Variants in DEK observed in about 807,000 individuals in gnomAD.
The protein encoded by DEK is protein DEK.
DEK carries 28 observed loss-of-function variants against 46.8 expected under a neutral mutation model. The observed-to-expected ratio is 0.60, with a 90% CI of 0.44 to 0.82. The LOEUF is 0.82. Among genes scored for constraint, DEK ranks in the 40% least tolerant of loss-of-function variants. The pLI is 0.00. For missense variants in DEK, 416 were observed against 430.6 expected (o/e 0.97, Z 0.30); for synonymous variants, 160 against 144.5 (o/e 1.11, Z -0.77).
At chr6:18,238,948 C>A (rs1034148147) in intron 7 of DEK, among the ~76,000 whole-genome samples, 1 of 151,762 alleles carries the variant, frequency 6.6e-6, no homozygotes, top group African/African-American at 2.4e-5. Flanking sequence ...GATGGAGTCT[C>A]GCTCTTGTTG....
At chr6:18,261,677 G>T (rs1791876109) in intron 2 of DEK, among the ~76,000 whole-genome samples, 3 of 152,196 alleles carry the variant, frequency 2.0e-5, no homozygotes, top group Non-Finnish European at 4.4e-5. Context: ...CTCCCTTTTG[G>T]AATGGGAATT....
intron 7 of DEK, among the ~76,000 whole-genome samples, chr6:18,243,293 G>A (rs1790976610): frequency 6.6e-6 from 1 of 151,512 alleles, no homozygotes; most frequent in Non-Finnish European, 1.5e-5. Flanking sequence ...TTACTGAGTG[G>A]TACTTCCTGG....
intron 7 of DEK, among the ~76,000 whole-genome samples, chr6:18,246,709 T>A (rs890330233): frequency 4.6e-5 from 7 of 152,206 alleles, no homozygotes; most frequent in Non-Finnish European, 1.0e-4. Flanking sequence ...AAAGGAGAAC[T>A]ATAAACTTAC....
intron 7 of DEK, among the ~76,000 whole-genome samples, chr6:18,246,837 CAGTT>C (rs1466369319): frequency 1.3e-5 from 2 of 152,168 alleles, no homozygotes; most frequent in Non-Finnish European, 2.9e-5. Context: ...CCCAAATTCA[CAGTT>C]ATTTACTCCA....
intron 6 of DEK, 106 bp from the exon 7 acceptor site, chr6:18,249,945 G>T: frequency 7.0e-7 from 1 of 1,422,916 alleles, no homozygotes; most frequent in African/African-American, 1.5e-5. Flanking sequence ...TCAAGAAATT[G>T]TATTTACAAG....
intron 6 of DEK, 92 bp from the exon 7 acceptor site, chr6:18,249,931 T>A: frequency 6.9e-7 from 1 of 1,443,792 alleles, no homozygotes; most frequent in Non-Finnish European, 9.1e-7. Context: ...TTCTTATTCC[T>A]CTCTCAAGAA....
intron 7 of DEK, among the ~76,000 whole-genome samples, chr6:18,248,767 C>T (rs895354859): frequency 6.6e-6 from 1 of 152,076 alleles, no homozygotes; most frequent in Admixed American, 6.6e-5. Flanking sequence ...TTGTCTCGCC[C>T]CAGGGACATT....
chr6:18,228,571 A>G (rs1790242231), intron 9 of DEK, among the ~76,000 whole-genome samples: 1 of 152,190 alleles, frequency 6.6e-6, no homozygotes, highest in African/African-American at 2.4e-5. Context: ...GAAGCAGGGC[A>G]AGGCATCGCC....
In DEK at chr6:18,263,859, CTCCTCCTCGTCG is replaced by C; in HGVS notation, c.117_128del (p.Asp39_Glu42del). On this transcript the variant is annotated inframe_deletion, in exon 2 of 11. Transcript: ENST00000652689. ...TCCCCCCACCTTTTTCCTCCTCCTC[CTCCTCCTCGTCG>C]TCCTCGTCCTCTTCCTCCTCGCTCT... 1.2e-6 allele frequency: 2 copies of C among 1,612,816 alleles called. No individual in the cohort carries two copies. The highest frequency in any genetic ancestry group is 1.7e-6 in the Non-Finnish European group (2 of 1,179,398).
chr6:18,248,491 T>A (rs539672588), intron 7 of DEK, among the ~76,000 whole-genome samples: 1 of 152,256 alleles, frequency 6.6e-6, no homozygotes, highest in East Asian at 1.9e-4. Flanking sequence ...ATAAAGACCT[T>A]AATGCTCAGA....
In DEK at chr6:18,255,746, T is replaced by C. The variant is rs1251068056; in HGVS notation, c.558A>G (p.Pro186=). The change falls in exon 6 of 11, where the codon CCA becomes CCG. Residue 186 remains proline (P), a synonymous_variant. Transcript: ENST00000652689. ...TGATCCTCACTTTGCCAGAAGGCTT[T>C]GGATGCATTAAGAAATTCAAGATCC... is the stretch of plus-strand genomic sequence containing the variant. ...VKRILNFLMH[P]KPSGKPLPKS... The C allele has an allele frequency of 2.5e-6, 4 of 1,606,994 alleles. No homozygotes were observed. In the African/African-American group the frequency reaches 5.4e-5, roughly 22 times the overall value.
chr6:18,241,636 C>T (rs1248996217), intron 7 of DEK, among the ~76,000 whole-genome samples: 1 of 152,176 alleles, frequency 6.6e-6, no homozygotes, highest in African/African-American at 2.4e-5. Flanking sequence ...TCTAGCTATA[C>T]CACATAAAAT....
chr6:18,242,539 T>C (rs214507), intron 7 of DEK, among the ~76,000 whole-genome samples: 41,780 of 152,060 alleles, frequency 0.27, 6,324 homozygotes, highest in African/African-American at 0.38. Flanking sequence ...TGAAATCTCA[T>C]GTCATCCTGC....
intron 6 of DEK, among the ~76,000 whole-genome samples, chr6:18,254,277 G>C (rs1791511451): frequency 6.6e-6 from 1 of 152,130 alleles, no homozygotes; most frequent in East Asian, 2.0e-4. Flanking sequence ...GTTGCAGTGA[G>C]CAGAGATTGT....
intron 6 of DEK, among the ~76,000 whole-genome samples, chr6:18,252,001 A>G (rs977961122): frequency 2.3e-4 from 35 of 152,242 alleles, no homozygotes; most frequent in African/African-American, 8.4e-4. Context: ...CAAATGCCTT[A>G]GAGTTTTCCT....
At chr6:18,258,565 A>G (rs1367074234) in intron 2 of DEK, among the ~76,000 whole-genome samples, 160 bp from the exon 3 acceptor site, 2 of 152,210 alleles carry the variant, frequency 1.3e-5, no homozygotes, top group Non-Finnish European at 1.5e-5. Flanking sequence ...AAAACACTTG[A>G]TTAATTAATA....
intron 7 of DEK, among the ~76,000 whole-genome samples, chr6:18,238,803 A>C (rs1790777631): frequency 6.6e-6 from 1 of 152,234 alleles, no homozygotes; most frequent in South Asian, 2.1e-4. Flanking sequence ...CTTCCTATTA[A>C]ACATTCCAAG....
chr6:18,226,281 A>T (rs1185464400), intron 9 of DEK, 39 bp from the exon 10 acceptor site: 10 of 1,304,462 alleles, frequency 7.7e-6, no homozygotes, highest in Non-Finnish European at 9.1e-6. Flanking sequence ...TTAAAAGCAG[A>T]TTTTAAAATC....
At chr6:18,227,033 C>T (rs895523208) in intron 9 of DEK, among the ~76,000 whole-genome samples, 6 of 152,174 alleles carry the variant, frequency 3.9e-5, no homozygotes, top group African/African-American at 1.4e-4. Flanking sequence ...ACAAACACCG[C>T]GGAAGGCTGC....
Sources: gnomAD v4.1 joint callset for allele counts (sites outside exome capture counted in the v4.1 genomes callset) on GRCh38, gnomAD v4.1.1 for gene constraint, MANE v1.5 for transcripts, NCBI Gene and HGNC (gene_info 2026-07-23, HGNC 2026-07-21) for gene names.